Variants in CSRP2 observed in about 807,000 individuals in gnomAD.
The protein encoded by CSRP2 is cysteine and glycine rich protein 2.
A neutral mutation model predicts 24.6 loss-of-function variants in CSRP2; 18 were observed. The ratio of observed to expected loss-of-function variants is 0.73; its 90% CI spans 0.51 to 1.09. The LOEUF is 1.09. CSRP2 is among the 50% of genes least tolerant of loss of function. The probability of loss-of-function intolerance (pLI) is 0.00; values close to 1 mark genes in which losing one functional copy is unlikely to be tolerated. For missense variants in CSRP2, 215 were observed against 239.4 expected, an observed-to-expected ratio of 0.90 and a Z score of 0.67; for synonymous variants, 87 against 84.3, an observed-to-expected ratio of 1.03 and a Z score of -0.18.
At chr12:76,870,213 T>G (rs1256929995) in intron 1 of CSRP2, among the ~76,000 whole-genome samples, 1 of 152,216 alleles carries the variant, frequency 6.6e-6, no homozygotes, top group Non-Finnish European at 1.5e-5. Context: ...CAATCACCAG[T>G]AAGGAGCCAG....
intron 2 of CSRP2, 137 bp from the exon 3 acceptor site, chr12:76,863,481 C>A: frequency 1.2e-6 from 1 of 820,960 alleles, no homozygotes; most frequent in Non-Finnish European, 1.9e-6. Flanking sequence ...TGTGGCTTCC[C>A]AAAAGCCATG....
chr12:76,872,823 C>A (rs1261539239), intron 1 of CSRP2, among the ~76,000 whole-genome samples: 1 of 152,158 alleles, frequency 6.6e-6, no homozygotes, highest in Non-Finnish European at 1.5e-5. Context: ...TCCCTTCCTT[C>A]TTGCTCATTA....
chr12:76,859,600 T>C lies in CSRP2; in HGVS notation c.452A>G (p.Lys151Arg). 1 of 1,613,034 alleles carries C rather than the reference T, an allele frequency of 6.2e-7. No homozygotes were observed. The highest frequency in any genetic ancestry group is 8.5e-7 in the Non-Finnish European group (1 of 1,179,858). Residue 151 changes from lysine to arginine, a missense_variant, in exon 5 of 6, where the codon AAG (lysine) becomes AGG (arginine). Lys to Arg is a conservative substitution (Grantham distance 26, BLOSUM62 2). Transcript: ENST00000311083. ...KNCFRCAKCG[K>R]SLESTTLTEK... is the part of the protein sequence containing the mutation. The stretch of plus-strand genomic sequence containing the variant: ...AGTCAGAGTTGTTGATTCAAGACTC[T>C]TCCCACACTTTGCACATCGGAAACA...
chr12:76,863,404 A>C, intron 2 of CSRP2, 60 bp from the exon 3 acceptor site: 2 of 1,537,532 alleles, frequency 1.3e-6, no homozygotes, highest in Non-Finnish European at 1.8e-6. Flanking sequence ...CCTTAGAACA[A>C]TGGTGGCACA....
chr12:76,860,187 T>G, intron 4 of CSRP2, 97 bp downstream of exon 4: 2 of 1,326,980 alleles, frequency 1.5e-6, no homozygotes, highest in Admixed American at 2.2e-5. Context: ...GACAGTGATT[T>G]GTAAGACATC....
chr12:76,863,526 A>C (rs1028706857), intron 2 of CSRP2, 182 bp from the exon 3 acceptor site: 2 of 529,508 alleles, frequency 3.8e-6, no homozygotes, highest in South Asian at 6.4e-5. Flanking sequence ...ACATTCGAGG[A>C]TTATTTACAT....
chr12:76,876,650 C>T (rs1161836704), intron 1 of CSRP2, among the ~76,000 whole-genome samples: 1 of 152,126 alleles, frequency 6.6e-6, no homozygotes, highest in African/African-American at 2.4e-5. Context: ...CTGGGGATCC[C>T]CACCCAACAG....
At chr12:76,869,575 CACA>C (rs1565826522) in intron 1 of CSRP2, among the ~76,000 whole-genome samples, 35 of 146,362 alleles carry the variant, frequency 2.4e-4, no homozygotes, top group South Asian at 4.3e-4. Flanking sequence ...CACACACACA[CACA>C]CCCCTGACTG....
intron 2 of CSRP2, among the ~76,000 whole-genome samples, chr12:76,865,422 T>G (rs1270495835): frequency 2.6e-5 from 4 of 152,248 alleles, no homozygotes; most frequent in African/African-American, 9.6e-5. Context: ...CTTCTGGTTG[T>G]CTGCAAAGCA....
intron 2 of CSRP2, 74 bp from the exon 3 acceptor site, chr12:76,863,418 A>G: frequency 6.9e-7 from 1 of 1,454,762 alleles, no homozygotes. Context: ...TGGCACAGAC[A>G]CATGGCCTAC....
intron 1 of CSRP2, among the ~76,000 whole-genome samples, chr12:76,875,251 C>T (rs1953842314): frequency 1.3e-5 from 2 of 152,172 alleles, no homozygotes; most frequent in African/African-American, 4.8e-5. Flanking sequence ...CTTTTTATTA[C>T]CCCTCTCTGC....
In CSRP2 at chr12:76,866,291, C is replaced by A. The variant is rs762734581; in HGVS notation, c.-1-30G>T. 6.3e-6 allele frequency: 10 copies of A among 1,575,440 alleles called. No individual in the cohort carries two copies. The Admixed American group carries it at 1.0e-4, about 16-fold the overall frequency. ...AGGAATAAAGGATTCATTAGAATGT[C>A]CCTGTGCTGGTCGTACGGCTCCCTA... On this transcript the variant is annotated intron_variant, in intron 1 of 5. Transcript: ENST00000311083.
chr12:76,872,163 T>C (rs1158521533), intron 1 of CSRP2, among the ~76,000 whole-genome samples: 2 of 152,248 alleles, frequency 1.3e-5, no homozygotes, highest in Non-Finnish European at 2.9e-5. Flanking sequence ...CTAGGATTTA[T>C]CCACTGTATT....
chr12:76,868,749 C>G (rs988687233), intron 1 of CSRP2, among the ~76,000 whole-genome samples: 2 of 151,854 alleles, frequency 1.3e-5, no homozygotes, highest in Non-Finnish European at 2.9e-5. Context: ...ATTGAGACCA[C>G]GGTGAAACCC....
At chr12:76,868,567 T>C (rs1450588821) in intron 1 of CSRP2, among the ~76,000 whole-genome samples, 1 of 152,234 alleles carries the variant, frequency 6.6e-6, no homozygotes, top group Admixed American at 6.5e-5. Context: ...ATTAAACCTC[T>C]TTCCTTTATA....
chr12:76,859,608 CT>C lies in CSRP2; in HGVS notation c.443del (p.Lys148SerfsTer11), dbSNP rs1953655252. On this transcript the variant is annotated frameshift_variant, in exon 5 of 6. Transcript: ENST00000311083. LOFTEE classifies it high-confidence loss of function. ...TTGTTGATTCAAGACTCTTCCCACA[CT>C]TTGCACATCGGAAACAGTTTTTGTG... is the stretch of plus-strand genomic sequence containing the variant. ...PWHKNCFRCAKCGKSLESTTL... is the reference protein window; with the variant it reads ...PWHKNCFRCAXCGKSLESTTL... The C allele has an allele frequency of 6.2e-7, 1 of 1,612,568 alleles. No homozygotes were observed. Among genetic ancestry groups the C allele is most frequent in the African/African-American group, 1.3e-5 (1 of 74,846 alleles).
intron 4 of CSRP2, among the ~76,000 whole-genome samples, chr12:76,860,079 G>C (rs1953660120): frequency 6.6e-6 from 1 of 152,114 alleles, no homozygotes; most frequent in African/African-American, 2.4e-5. Context: ...ATGAAAACAA[G>C]TTCTTTTAAA....
rs541997393 is a variant in CSRP2 at position 76,872,515 on chromosome 12, C to T, written c.-1-6254G>A. Reference sequence around the variant, plus strand: ...GCAGGCCATGTGGGCCATGCAAATGCCCCACCTGTGCCTGGTGACAGGGCA... The same window carrying T: ...GCAGGCCATGTGGGCCATGCAAATGTCCCACCTGTGCCTGGTGACAGGGCA... On this transcript the variant is annotated intron_variant, in intron 1 of 5. Coordinates refer to ENST00000311083, the MANE Select transcript of CSRP2 (RefSeq NM_001321.3). 4.1e-4 allele frequency among the ~76,000 whole-genome samples: 62 copies of T among 152,322 alleles called. No individual in the cohort carries two copies. In the South Asian group the frequency reaches 8.1e-3, roughly 20 times the overall value.
At chr12:76,871,593 AC>A (rs1170859134) in intron 1 of CSRP2, among the ~76,000 whole-genome samples, 1 of 151,914 alleles carries the variant, frequency 6.6e-6, no homozygotes, top group Non-Finnish European at 1.5e-5. Context: ...ACACGGTGAA[AC>A]CCCGTCTCTA....
Sources: allele counts gnomAD v4.1 joint callset (sites outside exome capture counted in the v4.1 genomes callset), GRCh38; gene constraint gnomAD v4.1.1; transcripts MANE v1.5; gene names NCBI Gene and HGNC (gene_info 2026-07-23, HGNC 2026-07-21).